MARCHF1: variants seen among roughly 807,000 people sequenced by gnomAD.
MARCHF1 encodes the protein E3 ubiquitin-protein ligase MARCHF1.
Under a neutral mutation model 54.2 loss-of-function variants are expected in MARCHF1, and 40 were observed. That is an observed-to-expected ratio of 0.74 (90% CI 0.57 to 0.96). MARCHF1 has a LOEUF of 0.96. MARCHF1 is among the 40% of genes least tolerant of loss of function. The pLI is 0.00. For missense variants in MARCHF1, 586 were observed against 656.5 expected, an observed-to-expected ratio of 0.89 and a Z score of 1.17; for synonymous variants, 236 against 236.3, an observed-to-expected ratio of 1.00 and a Z score of 0.01.
At chr4:163,705,569 G>T (rs1337325800) in intron 4 of MARCHF1, among the ~76,000 whole-genome samples, 9 of 152,044 alleles carry the variant, frequency 5.9e-5, no homozygotes, top group African/African-American at 1.9e-4. Flanking sequence ...TACATTGAAA[G>T]AGACAAACAT....
chr4:164,312,308 A>ATT (rs1312094322), intron 1 of MARCHF1, among the ~76,000 whole-genome samples: 4 of 125,534 alleles, frequency 3.2e-5, no homozygotes, highest in African/African-American at 1.2e-4. Flanking sequence ...CCTGTGAATT[A>ATT]TTTTCTTTTT....
At chr4:164,092,072 A>T (rs1755316436) in intron 2 of MARCHF1, among the ~76,000 whole-genome samples, 1 of 152,094 alleles carries the variant, frequency 6.6e-6, no homozygotes, top group African/African-American at 2.4e-5. Flanking sequence ...GTCTCTTCTC[A>T]CCGAGGCTTA....
intron 1 of MARCHF1, among the ~76,000 whole-genome samples, chr4:164,290,626 G>A (rs1455059129): frequency 1.3e-5 from 2 of 152,090 alleles, no homozygotes; most frequent in South Asian, 2.1e-4. Flanking sequence ...AATGCATTAA[G>A]TGGGAATTTC....
At chr4:163,929,980 TAATA>T (rs1560823860) in intron 3 of MARCHF1, among the ~76,000 whole-genome samples, 30 of 130,476 alleles carry the variant, frequency 2.3e-4, no homozygotes, top group Non-Finnish European at 3.9e-4. Flanking sequence ...ATAATATATA[TAATA>T]TATATATAAT....
chr4:164,323,188 T>C (rs1228223546), intron 1 of MARCHF1, among the ~76,000 whole-genome samples: 1 of 151,894 alleles, frequency 6.6e-6, no homozygotes, highest in African/African-American at 2.4e-5. Flanking sequence ...ATGCTGATCA[T>C]ATTATAATAA....
chr4:163,933,758 C>A (rs776933600), intron 3 of MARCHF1, among the ~76,000 whole-genome samples: 1 of 152,202 alleles, frequency 6.6e-6, no homozygotes, highest in Non-Finnish European at 1.5e-5. Flanking sequence ...AATGGAAAAG[C>A]CCTTGCCATT....
chr4:163,756,912 T>G (rs1746692085), intron 4 of MARCHF1, among the ~76,000 whole-genome samples: 1 of 151,652 alleles, frequency 6.6e-6, no homozygotes, highest in African/African-American at 2.4e-5. Context: ...AAAAAAGAAA[T>G]GGATATATTT....
intron 4 of MARCHF1, among the ~76,000 whole-genome samples, chr4:163,821,427 G>C (rs1046764540): frequency 6.6e-6 from 1 of 151,742 alleles, no homozygotes; most frequent in Admixed American, 6.6e-5. Flanking sequence ...TTCAATAGTA[G>C]GCATTCAGTA....
At chr4:163,938,087 C>T (rs1751839658) in intron 3 of MARCHF1, among the ~76,000 whole-genome samples, 1 of 152,132 alleles carries the variant, frequency 6.6e-6, no homozygotes, top group African/African-American at 2.4e-5. Context: ...ATTCCACCAT[C>T]CTCTCAGGCC....
chr4:163,923,105 T>TA (rs1484158446), intron 3 of MARCHF1, among the ~76,000 whole-genome samples: 19 of 152,178 alleles, frequency 1.2e-4, no homozygotes, highest in Admixed American at 1.2e-3. Flanking sequence ...AGAGCACACT[T>TA]ACGGTGATCC....
intron 1 of MARCHF1, among the ~76,000 whole-genome samples, chr4:164,242,640 T>G (rs1276661342): frequency 6.6e-6 from 1 of 151,488 alleles, no homozygotes; most frequent in Non-Finnish European, 1.5e-5. Flanking sequence ...ATGACTTTGA[T>G]GAGCTGTGAG....
intron 5 of MARCHF1, among the ~76,000 whole-genome samples, chr4:163,637,311 G>T (rs369991031): frequency 6.6e-6 from 1 of 151,726 alleles, no homozygotes; most frequent in Non-Finnish European, 1.5e-5. Flanking sequence ...GAACAGGCAA[G>T]CTACAAAATG....
chr4:164,260,602 T>C (rs1733434655), intron 1 of MARCHF1, among the ~76,000 whole-genome samples: 1 of 152,192 alleles, frequency 6.6e-6, no homozygotes, highest in Non-Finnish European at 1.5e-5. Context: ...AAAAACCAGA[T>C]TGATAATTTC....
chr4:163,634,214 T>A (rs1742222868), intron 5 of MARCHF1, among the ~76,000 whole-genome samples: 1 of 151,718 alleles, frequency 6.6e-6, no homozygotes, highest in South Asian at 2.1e-4. Flanking sequence ...CCAGCTAACA[T>A]CATCATGACA....
intron 1 of MARCHF1, among the ~76,000 whole-genome samples, chr4:164,240,681 T>C (rs542384601): frequency 6.6e-6 from 1 of 152,116 alleles, no homozygotes; most frequent in African/African-American, 2.4e-5. Flanking sequence ...ATCTTGCTTC[T>C]AACCTCACAA....
chr4:164,356,600 C>A (rs1400108313), intron 1 of MARCHF1, among the ~76,000 whole-genome samples: 1 of 132,284 alleles, frequency 7.6e-6, no homozygotes, highest in Non-Finnish European at 1.6e-5. Context: ...GGATCACACT[C>A]TGGGGACTGT....
chr4:164,173,325 G>T (rs1016179148), intron 1 of MARCHF1, among the ~76,000 whole-genome samples: 2 of 152,160 alleles, frequency 1.3e-5, no homozygotes, highest in Admixed American at 1.3e-4. Flanking sequence ...GCTCCAAAAT[G>T]CATATTATTA....
intron 1 of MARCHF1, among the ~76,000 whole-genome samples, chr4:164,264,666 T>A (rs530843274): frequency 6.6e-6 from 1 of 152,090 alleles, no homozygotes. Context: ...ACACCTGTAA[T>A]CCCAGCACTT....
chr4:164,043,873 C>T (rs897660593), intron 2 of MARCHF1, among the ~76,000 whole-genome samples: 1 of 152,192 alleles, frequency 6.6e-6, no homozygotes, highest in Non-Finnish European at 1.5e-5. Context: ...CCACCAGATG[C>T]CCTAAATCAT....
Sources: allele counts gnomAD v4.1 joint callset (sites outside exome capture counted in the v4.1 genomes callset), GRCh38; gene constraint gnomAD v4.1.1; transcripts MANE v1.5; gene names NCBI Gene and HGNC (gene_info 2026-07-23, HGNC 2026-07-21).